The following VSTM4 variants were observed in gnomAD, a reference collection of about 807,000 sequenced individuals.
VSTM4 encodes the protein V-set and transmembrane domain containing 4, also known as V-set and transmembrane domain-containing protein 4.
VSTM4 carries 20 observed loss-of-function variants against 36.4 expected under a neutral mutation model. That is an observed-to-expected ratio of 0.55 (90% CI 0.39 to 0.80). The LOEUF (loss-of-function observed/expected upper bound fraction) is 0.80. Among genes scored for constraint, VSTM4 ranks in the 30% least tolerant of loss-of-function variants. The pLI, the probability that VSTM4 is intolerant of heterozygous loss-of-function variation, is 0.00. For missense variants in VSTM4, 392 were observed against 404.5 expected, an observed-to-expected ratio of 0.97 and a Z score of 0.26; for synonymous variants, 182 against 173.9, an observed-to-expected ratio of 1.05 and a Z score of -0.37.
At chr10:49,033,838 G>C (rs1256154340) in intron 7 of VSTM4, among the ~76,000 whole-genome samples, 2 of 152,186 alleles carry the variant, frequency 1.3e-5, no homozygotes, top group Non-Finnish European at 2.9e-5. Context: ...AACAGTGTCT[G>C]CATGTGGGAA....
intron 7 of VSTM4, among the ~76,000 whole-genome samples, chr10:49,035,666 C>A (rs1012094020): frequency 1.7e-4 from 2 of 11,544 alleles, no homozygotes; most frequent in African/African-American, 2.9e-4. Flanking sequence ...GATCCCAGCT[C>A]CACAAAAAAA....
chr10:49,072,809 TC>T (rs769131097), intron 4 of VSTM4, among the ~76,000 whole-genome samples: 4 of 152,206 alleles, frequency 2.6e-5, no homozygotes, highest in Non-Finnish European at 5.9e-5. Context: ...GGATCTCCAG[TC>T]CTGGTCAACT....
At chr10:49,075,929 T>C (rs547909144) in intron 4 of VSTM4, among the ~76,000 whole-genome samples, 129 of 152,252 alleles carry the variant, frequency 8.5e-4, no homozygotes, top group Admixed American at 7.4e-3. Flanking sequence ...CCCAGCTGCC[T>C]CCTGGTTTGT....
Position 49,107,837 on chromosome 10 carries a change from C to G in VSTM4, c.214G>C (p.Glu72Gln). ...TTGGTCATCTTCACCATCAAGGCCT[C>G]CTGGGAGTCGAAGGAGTGTGCAAAG... ...WFFAHSFDSQ[E>Q]ALMVKMTKLR... The change falls in exon 2 of 8, where the codon GAG becomes CAG. Residue 72 changes from glutamate to glutamine, a missense_variant. Coordinates refer to ENST00000332853, the MANE Select transcript of VSTM4 (RefSeq NM_001031746.5). 6.2e-7 allele frequency: 1 copy of G among 1,614,248 alleles called. No individual in the cohort carries two copies. Among genetic ancestry groups the G allele is most frequent in the Non-Finnish European group, 8.5e-7 (1 of 1,180,044 alleles).
chr10:49,103,330 G>T, intron 2 of VSTM4: 1 of 185,112 alleles, frequency 5.4e-6, no homozygotes, highest in Non-Finnish European at 1.0e-5. Context: ...AGAAAAGCGA[G>T]TCACAGAACA....
At chr10:49,106,476 C>T (rs1057083874) in intron 2 of VSTM4, among the ~76,000 whole-genome samples, 1 of 152,360 alleles carries the variant, frequency 6.6e-6, no homozygotes, top group African/African-American at 2.4e-5. Flanking sequence ...AAATATGGCA[C>T]TTGGTAGCTG....
intron 4 of VSTM4, among the ~76,000 whole-genome samples, chr10:49,076,813 A>G (rs1844186930): frequency 6.6e-6 from 1 of 152,212 alleles, no homozygotes; most frequent in Non-Finnish European, 1.5e-5. Flanking sequence ...GTGAACGCTC[A>G]TAAGAACATT....
intron 2 of VSTM4, among the ~76,000 whole-genome samples, chr10:49,092,449 C>T (rs1420910887): frequency 2.0e-5 from 3 of 152,186 alleles, no homozygotes; most frequent in Non-Finnish European, 4.4e-5. Context: ...GAACTCAAAA[C>T]TAAACCAATG....
In VSTM4 at chr10:49,107,730, C is replaced by A. The variant is rs773911739; in HGVS notation, c.321G>T (p.Gly107=). The A allele has an allele frequency of 3.7e-6, 6 of 1,614,094 alleles. No homozygotes were observed. The Admixed American group carries it at 8.3e-5, about 22-fold the overall frequency. Residue 107 remains glycine, a synonymous_variant, in exon 2 of 8, where the codon GGG becomes GGT. Transcript: ENST00000332853. The part of the protein sequence containing the change: ...RRLRLLEEQR[G]ALYRLSVLTL... ...TCAAGACGGAGAGCCTGTAGAGCGC[C>A]CCCCGCTGCTCCTCCAGCAGGCGCA...
Position 49,042,855 on chromosome 10 carries a change from G to A in VSTM4, c.837+4128C>T, listed in dbSNP as rs77445673. 3.0e-3 allele frequency among the ~76,000 whole-genome samples: 451 copies of A among 152,234 alleles called. 2 individuals carry two copies. Among genetic ancestry groups the A allele is most frequent in the African/African-American group, 0.01 (421 of 41,520 alleles). ...AAACACAAAATATGTCAGGGTGGGT[G>A]GTGTTTTATATAGGCTATCAGGACA... On this transcript the variant is annotated intron_variant, in intron 7 of 7. Transcript: ENST00000332853.
At chr10:49,052,166 T>C (rs1184106886) in intron 5 of VSTM4, among the ~76,000 whole-genome samples, 1 of 152,230 alleles carries the variant, frequency 6.6e-6, no homozygotes, top group Non-Finnish European at 1.5e-5. Context: ...AGGACCATTT[T>C]CAAGGCTATT....
intron 3 of VSTM4, 27 bp downstream of exon 3, chr10:49,085,928 T>TAA: frequency 7.0e-7 from 1 of 1,438,122 alleles, no homozygotes; most frequent in Non-Finnish European, 9.5e-7. Context: ...TATAGAGCAA[T>TAA]AAAAAAAAGA....
chr10:49,064,552 A>C (rs983686794), intron 5 of VSTM4, 151 bp downstream of exon 5: 1 of 863,866 alleles, frequency 1.2e-6, no homozygotes, highest in African/African-American at 1.7e-5. Flanking sequence ...AAACATGCAA[A>C]TGCATGCAGG....
intron 1 of VSTM4, among the ~76,000 whole-genome samples, chr10:49,109,866 T>A (rs532322448): frequency 6.6e-6 from 1 of 152,130 alleles, no homozygotes; most frequent in Admixed American, 6.5e-5. Flanking sequence ...GCCCCACAAT[T>A]CCCCCTGCAT....
chr10:49,048,648 A>T, intron 5 of VSTM4, 64 bp from the exon 6 acceptor site: 4 of 1,418,400 alleles, frequency 2.8e-6, no homozygotes, highest in Non-Finnish European at 2.9e-6. Context: ...AAAGGAAAAA[A>T]AAAAACCCAC....
chr10:49,053,248 T>C (rs1843726107), intron 5 of VSTM4, among the ~76,000 whole-genome samples: 1 of 152,180 alleles, frequency 6.6e-6, no homozygotes, highest in South Asian at 2.1e-4. Context: ...TTTTTCTGCC[T>C]CCAACAAGGG....
intron 2 of VSTM4, among the ~76,000 whole-genome samples, chr10:49,101,087 GA>G (rs1564594994): frequency 6.6e-6 from 1 of 151,946 alleles, no homozygotes; most frequent in Non-Finnish European, 1.5e-5. Flanking sequence ...GAAAAATATG[GA>G]AAACACTTTT....
In VSTM4 at chr10:49,061,572, G is replaced by A. The variant is rs112210619; in HGVS notation, c.668+3131C>T. 8.3e-4 allele frequency among the ~76,000 whole-genome samples: 126 copies of A among 152,202 alleles called. No homozygotes were observed. The South Asian group carries it at 0.011, about 13-fold the overall frequency. On this transcript the variant is annotated intron_variant, in intron 5 of 7. Coordinates refer to ENST00000332853, the MANE Select transcript of VSTM4 (RefSeq NM_001031746.5). ...TTTAAATTTTGTGGTTCTGTTGTTT[G>A]ACTTGTACTCATGTGGAAACTTGTC...
chr10:49,057,437 G>C (rs1224845734), intron 5 of VSTM4, among the ~76,000 whole-genome samples: 1 of 152,230 alleles, frequency 6.6e-6, no homozygotes, highest in Non-Finnish European at 1.5e-5. Context: ...AGGGACAACA[G>C]GCAAGTCTGT....
Sources: allele counts gnomAD v4.1 joint callset (sites outside exome capture counted in the v4.1 genomes callset), GRCh38; gene constraint gnomAD v4.1.1; transcripts MANE v1.5; gene names NCBI Gene and HGNC (gene_info 2026-07-23, HGNC 2026-07-21).